ARHGEF3: variants seen among roughly 807,000 people sequenced by gnomAD.
ARHGEF3 encodes the protein 59.8 kDA protein.
ARHGEF3 carries 28 observed loss-of-function variants against 63.2 expected under a neutral mutation model. That is an observed-to-expected ratio of 0.44 (90% CI 0.33 to 0.61). The LOEUF (loss-of-function observed/expected upper bound fraction) is 0.61, where lower values mean the gene tolerates loss of function less well. ARHGEF3 is among the 20% of genes least tolerant of loss of function. ARHGEF3 has a pLI of 0.03. For missense variants in ARHGEF3, 533 were observed against 659.3 expected (o/e 0.81, Z 2.10); for synonymous variants, 266 against 254.2 (o/e 1.05, Z -0.44).
chr3:56,958,476 A>T (rs60996588), intron 3 of ARHGEF3, among the ~76,000 whole-genome samples: 39,031 of 151,710 alleles, frequency 0.26, 5,860 homozygotes, highest in East Asian at 0.37. Context: ...CTACAGGCAC[A>T]TGCCACCGTG....
At chr3:57,033,513 A>C (rs951390554) in intron 2 of ARHGEF3, among the ~76,000 whole-genome samples, 3 of 152,218 alleles carry the variant, frequency 2.0e-5, no homozygotes, top group African/African-American at 7.2e-5. Flanking sequence ...GCTAACAAGC[A>C]TAGTATAACA....
At chr3:56,949,438 G>A (rs1435561103) in intron 3 of ARHGEF3, among the ~76,000 whole-genome samples, 2 of 151,940 alleles carry the variant, frequency 1.3e-5, no homozygotes, top group Non-Finnish European at 2.9e-5. Flanking sequence ...AAAGTCTCAG[G>A]ATACAAAATC....
In ARHGEF3 at chr3:56,989,135, AGGGCTCCAGCTCCGCTGCC is replaced by A. The variant is rs567225747; in HGVS notation, c.63-30265_63-30247del. Among the ~76,000 whole-genome samples the A allele has an allele frequency of 4.9e-4, 75 of 152,320 alleles. 1 individual carries two copies. In the East Asian group the frequency reaches 9.3e-3, roughly 19 times the overall value. On this transcript the variant is annotated intron_variant, in intron 2 of 12. Transcript: ENST00000338458. ...TGATTACTTCGTCCATGCCTCCCGG[AGGGCTCCAGCTCCGCTGCC>A]GGGTGGCAAGTCTCAAGTACCCTAT...
intron 3 of ARHGEF3, among the ~76,000 whole-genome samples, chr3:56,896,708 G>A (rs2041313462): frequency 6.6e-6 from 1 of 152,174 alleles, no homozygotes; most frequent in South Asian, 2.1e-4. Context: ...GGGTTTACTA[G>A]ATGTTTTTTC....
chr3:57,005,900 G>A (rs188467832), intron 2 of ARHGEF3, among the ~76,000 whole-genome samples: 9 of 152,302 alleles, frequency 5.9e-5, no homozygotes, highest in East Asian at 5.8e-4. Context: ...AGTTTTTTAC[G>A]TATGCGATCT....
At chr3:56,767,225 T>A (rs1238118319) in intron 2 of ARHGEF3, among the ~76,000 whole-genome samples, 1 of 152,218 alleles carries the variant, frequency 6.6e-6, no homozygotes, top group East Asian at 1.9e-4. Flanking sequence ...AGTTATTTTA[T>A]ACCGTTAAGA....
At chr3:56,805,569 G>C (rs959978042), upstream of ARHGEF3, among the ~76,000 whole-genome samples, 6 of 152,186 alleles carry the variant, frequency 3.9e-5, no homozygotes, top group African/African-American at 1.4e-4. Context: ...TTAGGTTGAA[G>C]CACAACTATT....
intron 3 of ARHGEF3, among the ~76,000 whole-genome samples, chr3:56,952,634 A>C (rs1290938994): frequency 2.0e-5 from 3 of 152,230 alleles, no homozygotes; most frequent in Non-Finnish European, 4.4e-5. Context: ...TCTGAGAAGT[A>C]ATATATGCGT....
rs571521442 is a variant in ARHGEF3 at position 56,727,533 on chromosome 3, G to A, written c.*1737C>T. ...ACCACCTTCCCATAGGCCAACACTTGACAAACCTCTTTTCCCAACACACTG... is the reference window on the plus strand; with the variant it reads ...ACCACCTTCCCATAGGCCAACACTTAACAAACCTCTTTTCCCAACACACTG... On this transcript the variant is annotated 3_prime_UTR_variant, in exon 10 of 10. Transcript: ENST00000296315. The A allele has an allele frequency of 1.4e-4, 21 of 152,704 alleles. No individual in the cohort carries two copies. The highest frequency in any genetic ancestry group is 9.2e-4 in the Admixed American group (14 of 15,290). 9.5% of individuals were successfully genotyped at this position (152,704 alleles called of 1,614,324 possible).
intron 1 of ARHGEF3, among the ~76,000 whole-genome samples, chr3:56,781,541 C>T (rs998096792): frequency 1.3e-5 from 2 of 152,106 alleles, no homozygotes; most frequent in Admixed American, 6.5e-5. Flanking sequence ...CCACCACACC[C>T]GGCCTCTGCT....
intron 1 of ARHGEF3, among the ~76,000 whole-genome samples, chr3:57,076,125 A>G (rs544892811): frequency 1.3e-5 from 2 of 152,344 alleles, no homozygotes; most frequent in South Asian, 4.1e-4. Context: ...GCTTTAATAA[A>G]TTGATTAAGG....
intron 2 of ARHGEF3, among the ~76,000 whole-genome samples, chr3:56,974,976 A>G (rs1701067359): frequency 6.6e-6 from 1 of 152,100 alleles, no homozygotes; most frequent in Non-Finnish European, 1.5e-5. Context: ...GTTTGAAATA[A>G]GACCAAAGCT....
chr3:56,890,861 T>C lies in ARHGEF3; in HGVS notation c.130-8507A>G, dbSNP rs558298013. Among the ~76,000 whole-genome samples, 12 of 152,340 alleles carry C rather than the reference T, an allele frequency of 7.9e-5. No individual in the cohort carries two copies. The East Asian group carries it at 2.3e-3, about 29-fold the overall frequency. On this transcript the variant is annotated intron_variant, in intron 3 of 12. Coordinates refer to the ARHGEF3 transcript ENST00000338458. Reference sequence around the variant, plus strand: ...TGATTGAGAGAGTGCAGCTCCTGACTTGGCAGCAAATAGTCCCTGATTAGT... The same window carrying C: ...TGATTGAGAGAGTGCAGCTCCTGACCTGGCAGCAAATAGTCCCTGATTAGT...
intron 4 of ARHGEF3, among the ~76,000 whole-genome samples, chr3:56,852,168 C>T (rs1218672335): frequency 6.6e-6 from 1 of 152,184 alleles, no homozygotes; most frequent in African/African-American, 2.4e-5. Flanking sequence ...GGAAAGCCTA[C>T]TAGACAGCAG....
chr3:56,735,358 GCTCCTTCCTGCCTT>G (rs1654769248), intron 8 of ARHGEF3, among the ~76,000 whole-genome samples: 1 of 151,984 alleles, frequency 6.6e-6, no homozygotes, highest in Admixed American at 6.6e-5. Flanking sequence ...ATTGGTCTCA[GCTCCTTCCTGCCTT>G]CAACTACTGT....
At chr3:56,760,125 G>C (rs920525024) in intron 2 of ARHGEF3, among the ~76,000 whole-genome samples, 6 of 152,086 alleles carry the variant, frequency 3.9e-5, no homozygotes, top group African/African-American at 7.2e-5. Flanking sequence ...ACTTCTAAAA[G>C]GCAGGAATTC....
intron 2 of ARHGEF3, among the ~76,000 whole-genome samples, chr3:57,016,723 A>G (rs1376642201): frequency 2.0e-5 from 3 of 151,858 alleles, no homozygotes; most frequent in Non-Finnish European, 2.9e-5. Context: ...GCCCACCCAC[A>G]CCTCTGAGTT....
At chr3:56,910,448 A>G (rs1560042487) in intron 3 of ARHGEF3, among the ~76,000 whole-genome samples, 2 of 152,210 alleles carry the variant, frequency 1.3e-5, no homozygotes, top group East Asian at 1.9e-4. Context: ...CTGGTTCTGC[A>G]GTCCCCAAAG....
chr3:57,004,404 G>C (rs950521190), intron 2 of ARHGEF3, among the ~76,000 whole-genome samples: 1 of 152,148 alleles, frequency 6.6e-6, no homozygotes, highest in Non-Finnish European at 1.5e-5. Flanking sequence ...TCAGTGGCTC[G>C]TCTGCATTTA....
Sources: allele counts gnomAD v4.1 joint callset (sites outside exome capture counted in the v4.1 genomes callset), GRCh38; gene constraint gnomAD v4.1.1; transcripts MANE v1.5; gene names NCBI Gene and HGNC (gene_info 2026-07-23, HGNC 2026-07-21).